RAI14: variants seen among roughly 807,000 people sequenced by gnomAD.
RAI14 encodes ankycorbin.
RAI14 carries 45 observed loss-of-function variants against 115.4 expected under a neutral mutation model. The observed-to-expected ratio is 0.39, with a 90% CI of 0.31 to 0.50. RAI14 has a LOEUF of 0.50. Ranked by LOEUF, RAI14 falls within the 20% of genes least tolerant of loss-of-function variation. The probability of loss-of-function intolerance (pLI) is 0.85; values close to 1 mark genes in which losing one functional copy is unlikely to be tolerated. For synonymous variants in RAI14, 371 were observed against 415.4 expected, an observed-to-expected ratio of 0.89 and a Z score of 1.30; for missense variants, 939 against 1,131.2, an observed-to-expected ratio of 0.83 and a Z score of 2.44.
At chr5:34,801,987 T>C (rs1226711228) in intron 4 of RAI14, among the ~76,000 whole-genome samples, 1 of 151,972 alleles carries the variant, frequency 6.6e-6, no homozygotes, top group African/African-American at 2.4e-5. Flanking sequence ...TCACTTGACA[T>C]CAGGAGATCT....
intron 2 of RAI14, among the ~76,000 whole-genome samples, chr5:34,701,958 G>A (rs1209094069): frequency 6.6e-6 from 1 of 151,870 alleles, no homozygotes; most frequent in East Asian, 1.9e-4. Flanking sequence ...GATTACAGGT[G>A]CCTGCTACCA....
chr5:34,814,886 T>A (rs1317516527), intron 12 of RAI14, among the ~76,000 whole-genome samples: 2 of 152,066 alleles, frequency 1.3e-5, no homozygotes, highest in Non-Finnish European at 2.9e-5. Flanking sequence ...TTAAAATTTT[T>A]AAAAAATCAT....
At chr5:34,732,517 C>T (rs1744329577) in intron 2 of RAI14, among the ~76,000 whole-genome samples, 1 of 149,776 alleles carries the variant, frequency 6.7e-6, no homozygotes, top group South Asian at 2.1e-4. Flanking sequence ...TGGCTCACTG[C>T]ACCCTCTGCC....
chr5:34,786,921 T>C (rs1752365132), intron 3 of RAI14, among the ~76,000 whole-genome samples: 1 of 152,186 alleles, frequency 6.6e-6, no homozygotes, highest in Non-Finnish European at 1.5e-5. Context: ...AGTCATAAGA[T>C]TTACTAAAAG....
At chr5:34,780,484 G>A (rs1239828541) in intron 3 of RAI14, among the ~76,000 whole-genome samples, 2 of 152,060 alleles carry the variant, frequency 1.3e-5, no homozygotes, top group Non-Finnish European at 2.9e-5. Context: ...CTGACAAAGG[G>A]CTAATATCCA....
At position 34,763,927 on chromosome 5, in the gene RAI14, T is replaced by A. The variant is rs192667782; in HGVS notation, c.167+6329T>A. Among the ~76,000 whole-genome samples the A allele has an allele frequency of 1.5e-3, 223 of 152,320 alleles. 3 individuals carry two copies. Among genetic ancestry groups the A allele is most frequent in the Non-Finnish European group, 2.9e-4 (20 of 68,022 alleles). Reference sequence around the variant, plus strand: ...GTACAGTGGAGTGGTTTCGGCTCACTGCAACCTCCTGCTTCCTGGGTTCAA... The same window carrying A: ...GTACAGTGGAGTGGTTTCGGCTCACAGCAACCTCCTGCTTCCTGGGTTCAA... On this transcript the variant is annotated intron_variant, in intron 3 of 17. Transcript: ENST00000265109.
chr5:34,711,407 C>T (rs1278820730), intron 2 of RAI14, among the ~76,000 whole-genome samples: 1 of 152,114 alleles, frequency 6.6e-6, no homozygotes, highest in Non-Finnish European at 1.5e-5. Flanking sequence ...TTAAGGGTGG[C>T]AGAGATTACA....
In RAI14 at chr5:34,823,564, A is replaced by T. The variant is rs773667424; in HGVS notation, c.1722A>T (p.Glu574Asp). 6.2e-7 allele frequency: 1 copy of T among 1,614,216 alleles called. No individual in the cohort carries two copies. The highest frequency in any genetic ancestry group is 1.7e-5 in the Admixed American group (1 of 60,030). Residue 574 changes from glutamate to aspartate, a missense_variant, in exon 15 of 18, where the codon GAA becomes GAT. By Grantham distance (45) the Glu-to-Asp change is conservative. Coordinates refer to ENST00000265109, the MANE Select transcript of RAI14 (RefSeq NM_015577.3). The surrounding 1 kb of genome is among the most constrained non-coding windows in gnomAD (Gnocchi z 4.5). ...EKGTVIKPPVEEYEEMKSSYC... is the reference protein window; with the variant it reads ...EKGTVIKPPVDEYEEMKSSYC... ...GTACAGTGATTAAGCCACCTGTGGAAGAGTACGAGGAAATGAAAAGTTCAT... is the reference window on the plus strand; with the variant it reads ...GTACAGTGATTAAGCCACCTGTGGATGAGTACGAGGAAATGAAAAGTTCAT...
At chr5:34,822,698 T>G (rs1757005494) in intron 14 of RAI14, among the ~76,000 whole-genome samples, 1 of 83,692 alleles carries the variant, frequency 1.2e-5, no homozygotes, top group African/African-American at 4.7e-5. Flanking sequence ...TTTTTTTTTT[T>G]TTTGAGACGG....
chr5:34,807,882 T>G (rs1755116500), intron 6 of RAI14, 25 bp downstream of exon 6: 1 of 1,584,174 alleles, frequency 6.3e-7, no homozygotes, highest in Non-Finnish European at 8.7e-7. Flanking sequence ...CCTATTTGTC[T>G]TCTTCTGCCA....
At chr5:34,829,985 AG>A (rs1427558567) in intron 17 of RAI14, 188 bp downstream of exon 17, 2 of 541,062 alleles carry the variant, frequency 3.7e-6, no homozygotes, top group East Asian at 6.5e-5. Context: ...CCTGTTTACC[AG>A]GAACAGCCCC....
chr5:34,826,263 C>T, intron 15 of RAI14, 67 bp from the exon 16 acceptor site: 2 of 1,492,760 alleles, frequency 1.3e-6, no homozygotes, highest in Non-Finnish European at 1.8e-6. Flanking sequence ...TTGAGGCTTA[C>T]AAATATATGA....
intron 14 of RAI14, among the ~76,000 whole-genome samples, chr5:34,822,460 A>G (rs1025636928): frequency 6.6e-6 from 1 of 151,102 alleles, no homozygotes; most frequent in African/African-American, 2.4e-5. Flanking sequence ...AAACAATTTT[A>G]GTGTTTTCAA....
At chr5:34,681,110 C>T (rs990738992) in intron 1 of RAI14, among the ~76,000 whole-genome samples, 4 of 152,088 alleles carry the variant, frequency 2.6e-5, no homozygotes, top group African/African-American at 9.7e-5. Context: ...GTTTGGATGG[C>T]GTGAGGTACT....
At chr5:34,764,071 G>A (rs1407797439) in intron 3 of RAI14, among the ~76,000 whole-genome samples, 2 of 152,134 alleles carry the variant, frequency 1.3e-5, no homozygotes, top group African/African-American at 2.4e-5. Flanking sequence ...GGCTGGTCTC[G>A]AGCTCCTGAC....
intron 3 of RAI14, among the ~76,000 whole-genome samples, chr5:34,780,920 C>T (rs934199479): frequency 8.6e-5 from 13 of 152,032 alleles, no homozygotes; most frequent in African/African-American, 2.9e-4. Flanking sequence ...CACATGCACA[C>T]GTATGTTTAT....
chr5:34,749,508 C>T (rs1746716064), intron 2 of RAI14, among the ~76,000 whole-genome samples: 2 of 152,278 alleles, frequency 1.3e-5, no homozygotes, highest in East Asian at 1.9e-4. Flanking sequence ...CAGACACTGC[C>T]GGTTGCCAAA....
intron 2 of RAI14, among the ~76,000 whole-genome samples, chr5:34,709,992 T>C (rs983630187): frequency 2.6e-5 from 4 of 152,280 alleles, no homozygotes; most frequent in African/African-American, 9.6e-5. Context: ...TCCTTTGTTC[T>C]GCATTCAGAC....
chr5:34,829,672 TG>T (rs1452474260), intron 16 of RAI14, 59 bp from the exon 17 acceptor site: 12 of 1,432,554 alleles, frequency 8.4e-6, no homozygotes, highest in Admixed American at 7.9e-5. Context: ...CATAGTTTTT[TG>T]TTTTTGTTCT....
Sources: allele counts gnomAD v4.1 joint callset (sites outside exome capture counted in the v4.1 genomes callset), GRCh38; gene constraint gnomAD v4.1.1; non-coding constraint Gnocchi (gnomAD v3.1); transcripts MANE v1.5; gene names NCBI Gene and HGNC (gene_info 2026-07-23, HGNC 2026-07-21).